TNFSF13B: variants seen among roughly 807,000 people sequenced by gnomAD.
The protein encoded by TNFSF13B is TNF superfamily member 13b, also known as tumor necrosis factor ligand superfamily member 13B.
In TNFSF13B, 8 loss-of-function variants were observed where a neutral mutation model predicts 29.1. The ratio of observed to expected loss-of-function variants is 0.27; its 90% CI spans 0.16 to 0.50. The LOEUF is 0.50. TNFSF13B is among the 20% of genes least tolerant of loss of function. The pLI is 0.98. For synonymous variants in TNFSF13B, 125 were observed against 130.8 expected, an observed-to-expected ratio of 0.96 and a Z score of 0.30; for missense variants, 248 against 334.9, an observed-to-expected ratio of 0.74 and a Z score of 2.03.
chr13:108,279,977 A>G (rs1370902249), intron 2 of TNFSF13B, among the ~76,000 whole-genome samples: 1 of 151,888 alleles, frequency 6.6e-6, no homozygotes, highest in Non-Finnish European at 1.5e-5. Context: ...CCAAGAATTA[A>G]AGTTGAAACT....
intron 2 of TNFSF13B, among the ~76,000 whole-genome samples, chr13:108,279,234 G>A (rs1209664280): frequency 6.6e-6 from 1 of 152,156 alleles, no homozygotes; most frequent in Non-Finnish European, 1.5e-5. Flanking sequence ...ATCAGACACT[G>A]AAAATTTGTG....
chr13:108,286,820 C>G lies in TNFSF13B; in HGVS notation c.442C>G (p.Gln148Glu). 1 of 1,571,836 alleles carries G rather than the reference C, an allele frequency of 6.4e-7. No individual in the cohort carries two copies. Among genetic ancestry groups the G allele is most frequent in the Non-Finnish European group, 8.7e-7 (1 of 1,153,882 alleles). ...CTTTTTAGTCACTCAAGACTGCTTG[C>G]AACTGATTGCAGACAGTGAAACACC... ...PEETVTQDCL[Q>E]LIADSETPTI... Residue 148 changes from glutamine to glutamate, a missense_variant, in exon 3 of 6, where the codon CAA (glutamine) becomes GAA (glutamate). By Grantham distance (29) the Gln-to-Glu change is conservative. This residue lies in a region of TNFSF13B where 186 missense variants were observed against 196.3 expected (regional missense o/e 0.95). Transcript: ENST00000375887.
intron 2 of TNFSF13B, among the ~76,000 whole-genome samples, chr13:108,271,448 A>T (rs1189608056): frequency 6.7e-5 from 1 of 14,836 alleles, no homozygotes; most frequent in African/African-American, 1.8e-4. Flanking sequence ...CTTCTATCAC[A>T]CACACACACA....
chr13:108,272,883 T>G (rs965676397), intron 2 of TNFSF13B, among the ~76,000 whole-genome samples: 1 of 152,088 alleles, frequency 6.6e-6, no homozygotes, highest in Non-Finnish European at 1.5e-5. Flanking sequence ...TAGACTCATT[T>G]CAGCAGATTT....
chr13:108,286,941 C>G, intron 3 of TNFSF13B, 82 bp downstream of exon 3: 2 of 942,878 alleles, frequency 2.1e-6, no homozygotes. Flanking sequence ...GGCACATATA[C>G]GCTATGGAAT....
At chr13:108,298,179 G>A (rs79861525) in intron 3 of TNFSF13B, among the ~76,000 whole-genome samples, 2,192 of 145,102 alleles carry the variant, frequency 0.015, 242 homozygotes, top group East Asian at 0.14. Flanking sequence ...CTCTGGTGGG[G>A]GATTTTGATA....
chr13:108,271,659 T>G (rs1230173380), intron 2 of TNFSF13B, among the ~76,000 whole-genome samples: 1 of 152,178 alleles, frequency 6.6e-6, no homozygotes, highest in Admixed American at 6.5e-5. Flanking sequence ...ACATGCACAT[T>G]TTTATTATTT....
At chr13:108,288,340 T>C (rs1881202510) in intron 3 of TNFSF13B, among the ~76,000 whole-genome samples, 2 of 152,130 alleles carry the variant, frequency 1.3e-5, no homozygotes, top group African/African-American at 4.8e-5. Context: ...GCACAAATGC[T>C]CCTTGGCTTA....
At position 108,269,858 on chromosome 13, in the gene TNFSF13B, A is replaced by T. The variant is rs1416585014; in HGVS notation, c.-38A>T. ...AATGATCCATTCCCTGTGGTCACTT[A>T]TTCTAAAGGCCCCAACCTTCAAAGT... On this transcript the variant is annotated 5_prime_UTR_variant, in exon 1 of 6. Coordinates refer to ENST00000375887, the MANE Select transcript of TNFSF13B (RefSeq NM_006573.5). 7 of 1,538,316 alleles carry T rather than the reference A, an allele frequency of 4.6e-6. No homozygotes were observed. The highest frequency in any genetic ancestry group is 6.1e-6 in the Non-Finnish European group (7 of 1,140,100).
At chr13:108,299,723 T>C (rs879484595) in intron 3 of TNFSF13B, among the ~76,000 whole-genome samples, 9 of 152,194 alleles carry the variant, frequency 5.9e-5, no homozygotes, top group Admixed American at 5.9e-4. Context: ...GCAGTTAAAC[T>C]TAGTCTTTAC....
chr13:108,306,732 AT>A lies in TNFSF13B; in HGVS notation c.746-84del, dbSNP rs11381410. On this transcript the variant is annotated intron_variant, in intron 5 of 5. Transcript: ENST00000375887. ...TTGAAGTGTGAATGCCTATGTTAAC[AT>A]TTTTTTTTTACAGAACAAAATAGTT... is the stretch of plus-strand genomic sequence containing the variant. The A allele has an allele frequency of 9.8e-4, 571 of 584,348 alleles. 1 individual carries two copies. Among genetic ancestry groups the A allele is most frequent in the South Asian group, 1.7e-3 (72 of 42,234 alleles). 36.2% of individuals were successfully genotyped at this position (584,348 alleles called of 1,614,324 possible). A position where few individuals can be genotyped will look rare whatever the true frequency, so the allele number is the denominator to read the frequency against.
chr13:108,282,961 A>G (rs191680470), intron 2 of TNFSF13B, among the ~76,000 whole-genome samples: 1 of 152,354 alleles, frequency 6.6e-6, no homozygotes, highest in East Asian at 1.9e-4. Context: ...TAATCAATTA[A>G]TATGATAATT....
chr13:108,296,317 C>G (rs1881456984), intron 3 of TNFSF13B, among the ~76,000 whole-genome samples: 1 of 145,922 alleles, frequency 6.9e-6, no homozygotes, highest in Non-Finnish European at 1.5e-5. Context: ...TACATTGACT[C>G]TGTTATCAAT....
chr13:108,271,626 C>A lies in TNFSF13B; in HGVS notation c.424+1202C>A, dbSNP rs1880618710. Among the ~76,000 whole-genome samples the A allele has an allele frequency of 2.0e-5, 3 of 152,078 alleles. No homozygotes were observed. The South Asian group carries it at 6.2e-4, about 32-fold the overall frequency. On this transcript the variant is annotated intron_variant, in intron 2 of 5. Coordinates refer to ENST00000375887, the MANE Select transcript of TNFSF13B (RefSeq NM_006573.5). The stretch of plus-strand genomic sequence containing the variant: ...ATACTAGTTATCAGGAATAACTGGG[C>A]TTAAACATTTTTAAATTAGGAAACA...
In TNFSF13B at chr13:108,278,849, C is replaced by G. The variant is rs566646299; in HGVS notation, c.425-7954C>G. 3.3e-5 allele frequency among the ~76,000 whole-genome samples: 5 copies of G among 152,066 alleles called. No homozygotes were observed. The South Asian group carries it at 1.0e-3, about 32-fold the overall frequency. ...CAGGCCTTTTTCTCTTCTATCTGCCCCACTGGAGCCTCTGGAAATTACAAA... is the reference window on the plus strand; with the variant it reads ...CAGGCCTTTTTCTCTTCTATCTGCCGCACTGGAGCCTCTGGAAATTACAAA... On this transcript the variant is annotated intron_variant, in intron 2 of 5. Coordinates refer to ENST00000375887, the MANE Select transcript of TNFSF13B (RefSeq NM_006573.5).
chr13:108,286,275 T>C (rs2139053965), intron 2 of TNFSF13B, among the ~76,000 whole-genome samples: 1 of 152,322 alleles, frequency 6.6e-6, no homozygotes, highest in South Asian at 2.1e-4. Context: ...ATTTTTAGGA[T>C]TCTTGTGAGG....
intron 2 of TNFSF13B, among the ~76,000 whole-genome samples, chr13:108,284,111 C>T (rs1402327182): frequency 6.6e-6 from 1 of 152,006 alleles, no homozygotes; most frequent in Non-Finnish European, 1.5e-5. Context: ...GGGCGGTTCA[C>T]GAGGTCAGGA....
intron 5 of TNFSF13B, among the ~76,000 whole-genome samples, chr13:108,303,945 T>G (rs1881699719): frequency 6.6e-6 from 1 of 152,198 alleles, no homozygotes; most frequent in Non-Finnish European, 1.5e-5. Flanking sequence ...TCTTCAACAC[T>G]TAATAACAAC....
intron 3 of TNFSF13B, among the ~76,000 whole-genome samples, chr13:108,290,139 A>G (rs1051869673): frequency 1.3e-5 from 2 of 152,132 alleles, no homozygotes; most frequent in East Asian, 1.9e-4. Flanking sequence ...TTTTCAATAC[A>G]TATGATTTGA....
Sources: gnomAD v4.1 joint callset for allele counts (sites outside exome capture counted in the v4.1 genomes callset) on GRCh38, gnomAD v4.1.1 for gene constraint, gnomAD v4.1.1 regional missense constraint, MANE v1.5 for transcripts, NCBI Gene and HGNC (gene_info 2026-07-23, HGNC 2026-07-21) for gene names.